The following SRPK2 variants were observed in gnomAD, a reference collection of about 807,000 sequenced individuals.
The protein encoded by SRPK2 is SFRS protein kinase 2.
Under a neutral mutation model 90.8 loss-of-function variants are expected in SRPK2, and 21 were observed. The observed-to-expected ratio is 0.23, with a 90% CI of 0.16 to 0.33. The LOEUF (loss-of-function observed/expected upper bound fraction) is 0.33, where lower values mean the gene tolerates loss of function less well. Ranked by LOEUF, SRPK2 falls within the 10% of genes least tolerant of loss-of-function variation. The pLI is 1.00. For missense variants in SRPK2, 620 were observed against 869.0 expected (o/e 0.71, Z 3.60); for synonymous variants, 288 against 311.1 (o/e 0.93, Z 0.78).
chr7:105,251,497 C>A (rs1802475930), intron 2 of SRPK2, among the ~76,000 whole-genome samples: 1 of 152,276 alleles, frequency 6.6e-6, no homozygotes, highest in Non-Finnish European at 1.5e-5. Flanking sequence ...AGCCACTGTA[C>A]CCTGCCACAA....
intron 2 of SRPK2, among the ~76,000 whole-genome samples, chr7:105,281,788 G>T (rs867998211): frequency 1.3e-5 from 2 of 151,792 alleles, no homozygotes; most frequent in Non-Finnish European, 2.9e-5. Flanking sequence ...GAAAACTATA[G>T]AACACTGTTG....
intron 9 of SRPK2, among the ~76,000 whole-genome samples, chr7:105,144,440 C>T (rs1010272263): frequency 6.6e-6 from 1 of 151,702 alleles, no homozygotes; most frequent in East Asian, 1.9e-4. Flanking sequence ...AGGATTTCAC[C>T]ATGTTGGCCA....
chr7:105,376,215 T>C (rs1338677671), intron 2 of SRPK2, among the ~76,000 whole-genome samples: 1 of 151,760 alleles, frequency 6.6e-6, no homozygotes, highest in Non-Finnish European at 1.5e-5. Flanking sequence ...GCCAGGATGG[T>C]CTCTATCTCC....
intron 3 of SRPK2, among the ~76,000 whole-genome samples, chr7:105,171,376 A>C (rs534601066): frequency 6.6e-6 from 1 of 152,212 alleles, no homozygotes; most frequent in East Asian, 1.9e-4. Flanking sequence ...AATTTCTTCA[A>C]TTTTTCTAAA....
intron 2 of SRPK2, among the ~76,000 whole-genome samples, chr7:105,217,816 A>G (rs1445717314): frequency 1.3e-5 from 2 of 152,246 alleles, no homozygotes; most frequent in African/African-American, 4.8e-5. Flanking sequence ...ATTAGAGCAT[A>G]AAACAAGGCA....
intron 2 of SRPK2, among the ~76,000 whole-genome samples, chr7:105,372,757 T>C (rs1036743535): frequency 1.3e-5 from 2 of 152,134 alleles, no homozygotes; most frequent in African/African-American, 4.8e-5. Flanking sequence ...TGTAATAATT[T>C]TTCCTCTTTG....
At chr7:105,135,475 T>C (rs987649863) in intron 11 of SRPK2, among the ~76,000 whole-genome samples, 14 of 152,120 alleles carry the variant, frequency 9.2e-5, no homozygotes, top group Non-Finnish European at 1.6e-4. Flanking sequence ...AAGAGCAAGT[T>C]CCGCCCCCAC....
intron 6 of SRPK2, among the ~76,000 whole-genome samples, chr7:105,167,022 C>T (rs552963350): frequency 1.1e-4 from 16 of 152,274 alleles, no homozygotes; most frequent in African/African-American, 3.9e-4. Context: ...CACAGATTGT[C>T]CTTATGCACT....
intron 13 of SRPK2, among the ~76,000 whole-genome samples, chr7:105,128,241 G>A (rs548708600): frequency 3.3e-5 from 5 of 152,296 alleles, no homozygotes; most frequent in East Asian, 3.9e-4. Flanking sequence ...CCAGCTGACC[G>A]AGCGATAAGC....
chr7:105,196,365 C>T (rs1794913736), intron 3 of SRPK2, among the ~76,000 whole-genome samples: 1 of 152,196 alleles, frequency 6.6e-6, no homozygotes, highest in African/African-American at 2.4e-5. Context: ...AAAGTAAAGA[C>T]CACACGTCTA....
chr7:105,374,598 A>G (rs1340990601), intron 2 of SRPK2, among the ~76,000 whole-genome samples: 1 of 152,226 alleles, frequency 6.6e-6, no homozygotes, highest in Non-Finnish European at 1.5e-5. Context: ...TTTTAAAGAC[A>G]TGAAAAATAT....
At chr7:105,382,992 C>A (rs1237408350) in intron 2 of SRPK2, among the ~76,000 whole-genome samples, 5 of 145,184 alleles carry the variant, frequency 3.4e-5, no homozygotes, top group African/African-American at 1.3e-4. Context: ...AAAGAGTACA[C>A]AAAGAACTCT....
chr7:105,217,004 A>G (rs999790931), intron 2 of SRPK2, among the ~76,000 whole-genome samples: 3 of 152,204 alleles, frequency 2.0e-5, no homozygotes, highest in African/African-American at 7.2e-5. Context: ...CTCTTCTGGT[A>G]TGTGGTGACA....
In SRPK2 at chr7:105,116,924, C is replaced by A. The variant is rs549512160; in HGVS notation, c.*914G>T. On this transcript the variant is annotated 3_prime_UTR_variant, in exon 16 of 16. Transcript: ENST00000393651. ...TTTTCCAAAAATATATGTATTTTTT[C>A]ATTCCACACAATTAACACGTTTCTC... is the stretch of plus-strand genomic sequence containing the variant. The A allele has an allele frequency of 6.6e-6, 1 of 152,248 alleles. No individual in the cohort carries two copies. The highest frequency in any genetic ancestry group is 2.1e-4 in the South Asian group (1 of 4,828). 9.4% of individuals were successfully genotyped at this position (152,248 alleles called of 1,614,324 possible).
intron 2 of SRPK2, among the ~76,000 whole-genome samples, chr7:105,343,756 T>C (rs1233641889): frequency 2.0e-5 from 3 of 152,128 alleles, no homozygotes; most frequent in Admixed American, 1.3e-4. Context: ...CAATGTCATA[T>C]CTTTTTTATT....
chr7:105,275,676 CTGA>C (rs766112514), intron 2 of SRPK2, among the ~76,000 whole-genome samples: 19 of 152,320 alleles, frequency 1.2e-4, no homozygotes, highest in South Asian at 1.0e-3. Context: ...CCCTGGAACC[CTGA>C]TGAGGAGTAG....
chr7:105,260,291 A>G (rs143494786), intron 2 of SRPK2, among the ~76,000 whole-genome samples: 1,878 of 152,326 alleles, frequency 0.012, 18 homozygotes, highest in African/African-American at 0.03. Flanking sequence ...AATGCTCATC[A>G]TCACTGGTCA....
chr7:105,131,229 T>C (rs2299303), intron 13 of SRPK2, among the ~76,000 whole-genome samples: 7,179 of 152,216 alleles, frequency 0.047, 525 homozygotes, highest in African/African-American at 0.16. Flanking sequence ...GCCATTGTGG[T>C]CTAACCTCCC....
upstream of SRPK2, among the ~76,000 whole-genome samples, chr7:105,390,952 A>G (rs1009029828): frequency 2.0e-5 from 3 of 152,076 alleles, no homozygotes; most frequent in Non-Finnish European, 2.9e-5. Flanking sequence ...AGTTTGTTCC[A>G]TTACTGGTGA....
Sources: allele counts gnomAD v4.1 joint callset (sites outside exome capture counted in the v4.1 genomes callset), GRCh38; gene constraint gnomAD v4.1.1; transcripts MANE v1.5; gene names NCBI Gene and HGNC (gene_info 2026-07-23, HGNC 2026-07-21).